TNFRSF11A: variants seen among roughly 807,000 people sequenced by gnomAD.
TNFRSF11A encodes TNF receptor superfamily member 11a, also known as tumor necrosis factor receptor superfamily member 11A.
A neutral mutation model predicts 55.7 loss-of-function variants in TNFRSF11A; 32 were observed. That is an observed-to-expected ratio of 0.57 (90% CI 0.43 to 0.77). TNFRSF11A has a LOEUF of 0.77. Among genes scored for constraint, TNFRSF11A ranks in the 30% least tolerant of loss-of-function variants. The pLI, the probability that TNFRSF11A is intolerant of heterozygous loss-of-function variation, is 0.00. For synonymous variants in TNFRSF11A, 311 were observed against 331.0 expected, an observed-to-expected ratio of 0.94 and a Z score of 0.65; for missense variants, 753 against 809.8, an observed-to-expected ratio of 0.93 and a Z score of 0.85.
intron 1 of TNFRSF11A, among the ~76,000 whole-genome samples, chr18:62,328,001 G>A (rs188318542): frequency 3.3e-4 from 51 of 152,330 alleles, no homozygotes; most frequent in African/African-American, 1.2e-3. Context: ...GATTGTACAC[G>A]GTCATGTTTA....
Position 62,333,869 on chromosome 18 carries a change from A to C in TNFRSF11A, c.75+8442A>C, listed in dbSNP as rs534259616. Among the ~76,000 whole-genome samples the C allele has an allele frequency of 8.9e-3, 947 of 106,122 alleles. 5 individuals carry two copies. Among genetic ancestry groups the C allele is most frequent in the Non-Finnish European group, 0.015 (753 of 48,640 alleles). The allele number at this position is 106,122 out of a possible 152,430, so 69.6% of individuals were successfully genotyped here. ...ATGTACTCACTGAGGGCTTTCTAGAACTTTTTTTTTTTTGAGAAGGAGTCT... is the reference window on the plus strand; with the variant it reads ...ATGTACTCACTGAGGGCTTTCTAGACCTTTTTTTTTTTTGAGAAGGAGTCT... On this transcript the variant is annotated intron_variant, in intron 1 of 9. Transcript: ENST00000586569.
At position 62,386,456 on chromosome 18, in the gene TNFRSF11A, T is replaced by G. The variant is rs893386487; in HGVS notation, c.*1422T>G. On this transcript the variant is annotated 3_prime_UTR_variant, in exon 10 of 10. Coordinates refer to ENST00000586569, the MANE Select transcript of TNFRSF11A (RefSeq NM_003839.4). ...ACTTATTATCCTAAAGGTGCCTTTCTCTTGGCATCATCCCGCTTGTGAGAA... is the reference window on the plus strand; with the variant it reads ...ACTTATTATCCTAAAGGTGCCTTTCGCTTGGCATCATCCCGCTTGTGAGAA... 6.6e-6 allele frequency: 1 copy of G among 152,214 alleles called. No individual in the cohort carries two copies. The highest frequency in any genetic ancestry group is 2.4e-5 in the African/African-American group (1 of 41,452). 9.4% of individuals were successfully genotyped at this position (152,214 alleles called of 1,614,324 possible). A position where few individuals can be genotyped will look rare whatever the true frequency, so the allele number is the denominator to read the frequency against.
intron 9 of TNFRSF11A, among the ~76,000 whole-genome samples, chr18:62,381,613 G>A (rs1321872688): frequency 6.6e-6 from 1 of 152,154 alleles, no homozygotes. Context: ...CCTCATGATG[G>A]ATGGTTTTGC....
intron 2 of TNFRSF11A, among the ~76,000 whole-genome samples, chr18:62,349,356 A>G (rs761232242): frequency 1.3e-5 from 2 of 151,756 alleles, no homozygotes; most frequent in African/African-American, 2.4e-5. Context: ...TGATTTTTGT[A>G]TCTTTAGTAG....
intron 9 of TNFRSF11A, among the ~76,000 whole-genome samples, chr18:62,377,374 A>T (rs747904565): frequency 6.6e-6 from 1 of 152,246 alleles, no homozygotes; most frequent in African/African-American, 2.4e-5. Flanking sequence ...TTGTGTGGAC[A>T]TAAGTTTTCA....
Position 62,385,444 on chromosome 18 carries a change from T to C in TNFRSF11A, c.*410T>C, listed in dbSNP as rs1213918961. The C allele has an allele frequency of 6.1e-6, 1 of 164,294 alleles. No individual in the cohort carries two copies. The highest frequency in any genetic ancestry group is 2.4e-5 in the African/African-American group (1 of 41,918). The allele number at this position is 164,294 out of a possible 1,614,324, so 10.2% of individuals were successfully genotyped here. ...TTTAATGTAAAGGTTTTCTCAAAAATTCTCCTAAAGGTGAGGGTCTCTTTC... is the reference window on the plus strand; with the variant it reads ...TTTAATGTAAAGGTTTTCTCAAAAACTCTCCTAAAGGTGAGGGTCTCTTTC... On this transcript the variant is annotated 3_prime_UTR_variant, in exon 10 of 10. Transcript: ENST00000586569.
At chr18:62,362,364 C>T (rs1909755699) in intron 7 of TNFRSF11A, among the ~76,000 whole-genome samples, 1 of 151,910 alleles carries the variant, frequency 6.6e-6, no homozygotes, top group Non-Finnish European at 1.5e-5. Context: ...GTGGCACATG[C>T]CTGTAATTCC....
intron 1 of TNFRSF11A, among the ~76,000 whole-genome samples, chr18:62,344,955 G>A (rs1356297233): frequency 6.6e-6 from 1 of 152,248 alleles, no homozygotes; most frequent in African/African-American, 2.4e-5. Context: ...TGGGACTCAA[G>A]ACAGAGTCTG....
At chr18:62,369,577 G>A (rs1253971003) in intron 9 of TNFRSF11A, 93 bp downstream of exon 9, 2 of 1,496,376 alleles carry the variant, frequency 1.3e-6, no homozygotes, top group African/African-American at 2.7e-5. Flanking sequence ...GAAGGAGGAA[G>A]CTAATGGGAA....
rs561507354 is a variant in TNFRSF11A at position 62,360,185 on chromosome 18, A to T, written c.616+136A>T. ...TCATCCCGTGCATGGTCAGCTGAAT[A>T]TTTCATTCTCATCAGTATTTTAATT... On this transcript the variant is annotated intron_variant, in intron 6 of 9. Transcript: ENST00000586569. 3.9e-4 allele frequency: 274 copies of T among 703,464 alleles called. 1 individual carries two copies. In the South Asian group the frequency reaches 3.9e-3, roughly 10 times the overall value. 43.6% of individuals were successfully genotyped at this position (703,464 alleles called of 1,614,324 possible).
intron 1 of TNFRSF11A, among the ~76,000 whole-genome samples, chr18:62,337,507 C>A (rs2046251930): frequency 6.6e-6 from 1 of 152,176 alleles, no homozygotes; most frequent in South Asian, 2.1e-4. Context: ...CACTTAGTCA[C>A]ACGGGCTATC....
At position 62,368,992 on chromosome 18, in the gene TNFRSF11A, C is replaced by G; in HGVS notation, c.1075C>G (p.Gln359Glu). 1 of 1,614,222 alleles carries G rather than the reference C, an allele frequency of 6.2e-7. No individual in the cohort carries two copies. The highest frequency in any genetic ancestry group is 2.2e-5 in the East Asian group (1 of 44,890). The change falls in exon 9 of 10, where the codon CAG becomes GAG. Residue 359 changes from glutamine to glutamate, a missense_variant. Gln to Glu is a conservative substitution (Grantham distance 29, BLOSUM62 2). Coordinates refer to ENST00000586569, the MANE Select transcript of TNFRSF11A (RefSeq NM_003839.4). ...YMDRPSQPTD[Q>E]LLFLTEPGSK... ...GGACAGGCCCTCCCAGCCCACAGAC[C>G]AGTTACTGTTCCTCACTGAGCCTGG...
At chr18:62,335,753 G>A (rs1485709567) in intron 1 of TNFRSF11A, among the ~76,000 whole-genome samples, 1 of 152,216 alleles carries the variant, frequency 6.6e-6, no homozygotes, top group African/African-American at 2.4e-5. Flanking sequence ...CAAATCAGTG[G>A]AGTCTTTCCA....
intron 1 of TNFRSF11A, among the ~76,000 whole-genome samples, chr18:62,342,425 ATC>A: frequency 2.1e-5 from 3 of 144,346 alleles, no homozygotes; most frequent in Admixed American, 7.0e-5. Context: ...AAAAAAAAAA[ATC>A]CTATATTCTG....
intron 1 of TNFRSF11A, 121 bp from the exon 2 acceptor site, chr18:62,348,047 G>A (rs1021100340): frequency 1.2e-4 from 99 of 792,408 alleles, no homozygotes; most frequent in East Asian, 1.2e-3. Context: ...CAACAAGAGC[G>A]AAACTCCATT....
chr18:62,353,113 C>T (rs1044121041), intron 3 of TNFRSF11A, among the ~76,000 whole-genome samples: 3 of 152,080 alleles, frequency 2.0e-5, no homozygotes, highest in Non-Finnish European at 4.4e-5. Flanking sequence ...ATAAAGTCAC[C>T]GTGAACACTG....
At chr18:62,376,762 A>T (rs1371436749) in intron 9 of TNFRSF11A, among the ~76,000 whole-genome samples, 2 of 152,162 alleles carry the variant, frequency 1.3e-5, no homozygotes, top group African/African-American at 4.8e-5. Flanking sequence ...ACTTCTGGCA[A>T]CTACTGATCT....
chr18:62,366,153 A>T (rs1038578308), intron 7 of TNFRSF11A, among the ~76,000 whole-genome samples: 4 of 152,202 alleles, frequency 2.6e-5, no homozygotes, highest in Admixed American at 6.5e-5. Context: ...TTACTTTTAA[A>T]TGCTTTCACT....
At chr18:62,362,394 G>GTAGGAGGATCACTTGAACC (rs1251433648) in intron 7 of TNFRSF11A, among the ~76,000 whole-genome samples, 2 of 149,966 alleles carry the variant, frequency 1.3e-5, no homozygotes, top group Non-Finnish European at 3.0e-5. Flanking sequence ...AGAGGCTGAG[G>GTAGGAGGATCACTTGAACC]TAGGAGGATC....
Sources: allele counts gnomAD v4.1 joint callset (sites outside exome capture counted in the v4.1 genomes callset), GRCh38; gene constraint gnomAD v4.1.1; transcripts MANE v1.5; gene names NCBI Gene and HGNC (gene_info 2026-07-23, HGNC 2026-07-21).